PAGE2: variants seen among roughly 807,000 people sequenced by gnomAD.
The protein encoded by PAGE2 is PAGE family member 2.
A neutral mutation model predicts 7.5 loss-of-function variants in PAGE2; 6 were observed. The observed-to-expected ratio is 0.80, with a 90% confidence interval of 0.44 to 1.57. The LOEUF (loss-of-function observed/expected upper bound fraction) is 1.57, where lower values mean the gene tolerates loss of function less well. Among genes scored for constraint, PAGE2 ranks in the 40% most tolerant of loss-of-function variants. The pLI, the probability that PAGE2 is intolerant of heterozygous loss-of-function variation, is 0.01. For missense variants in PAGE2, 72 were observed against 76.4 expected (o/e 0.94, Z 0.21); for synonymous variants, 22 against 25.4 (o/e 0.87, Z 0.41).
chrX:55,090,071 C>A lies in PAGE2; in HGVS notation c.51C>A (p.Asp17Glu). ...ARSQSSERGN[D>E]QESSQPVGSV... is the part of the protein sequence containing the mutation. ...CCCAATCCTCAGAAAGAGGAAATGA[C>A]CAAGAGTCTTCCCAGCCGGTTGGAT... Residue 17 changes from aspartate (D) to glutamate (E), a missense_variant, in exon 2 of 5, where the codon GAC becomes GAA. Physicochemically the swap from Asp to Glu is conservative, Grantham distance 45. Coordinates refer to ENST00000374968, the MANE Select transcript of PAGE2 (RefSeq NM_207339.4). 8.3e-7 allele frequency: 1 copy of A among 1,204,614 alleles called. No individual in the cohort carries two copies. The highest frequency in any genetic ancestry group is 1.1e-6 in the Non-Finnish European group (1 of 891,075).
At position 55,091,342 on chromosome X, in the gene PAGE2, G is replaced by A. The variant is rs747927899; in HGVS notation, c.204G>A (p.Met68Ile). The change falls in exon 4 of 5, where the codon ATG (methionine) becomes ATA (isoleucine). Residue 68 changes from methionine (M) to isoleucine (I), a missense_variant. Transcript: ENST00000374968. ...TTTTTATCTTTTAAGGGCCTGACAT[G>A]GAAGCTTTTCAACAGGAACTGGCTC... ...QAVPAFQGPD[M>I]EAFQQELALL... is the part of the protein sequence containing the mutation. The A allele has an allele frequency of 2.0e-5, 24 of 1,204,082 alleles. No homozygotes were observed. The South Asian group carries it at 3.4e-4, about 17-fold the overall frequency.
At chrX:55,089,697 A>G (rs758163451) in intron 1 of PAGE2, among the ~76,000 whole-genome samples, 13 of 110,486 alleles carry the variant, frequency 1.2e-4, no homozygotes, top group Non-Finnish European at 2.3e-4. Flanking sequence ...AGCAGTAGTC[A>G]TTTCAGTTTC....
At chrX:55,089,180 T>A (rs1936631124) in intron 1 of PAGE2, 77 bp downstream of exon 1, 1 of 111,538 alleles carries the variant, frequency 9.0e-6, no homozygotes. Flanking sequence ...TTTGGACAGG[T>A]CCTGCGGCAC....
chrX:55,090,248 A>C, intron 2 of PAGE2, 144 bp downstream of exon 2: 1 of 693,625 alleles, frequency 1.4e-6, no homozygotes, highest in Non-Finnish European at 2.1e-6. Context: ...TGGTTCAGGA[A>C]TACTATATTC....
chrX:55,089,644 G>A (rs1936636259), intron 1 of PAGE2, among the ~76,000 whole-genome samples: 1 of 108,758 alleles, frequency 9.2e-6, no homozygotes, highest in African/African-American at 3.6e-5. Flanking sequence ...TTTTGAGAGG[G>A]GTGTGGGGGT....
Position 55,090,351 on chromosome X carries a change from TATCTATCTATCTATC to T in PAGE2, c.85-136_85-122del, listed in dbSNP as rs1401240775. 339 of 572,316 alleles carry T rather than the reference TATCTATCTATCTATC, an allele frequency of 5.9e-4. 12 individuals carry two copies. In the African/African-American group the frequency reaches 7.1e-3, roughly 12 times the overall value. 47.2% of individuals were successfully genotyped at this position (572,316 alleles called of 1,213,427 possible). The stretch of plus-strand genomic sequence containing the variant: ...CTGTCTATCTATCTATCTATCTATC[TATCTATCTATCTATC>T]ATCTATCTATCTATATGTGTGTGTA... On this transcript the variant is annotated intron_variant, in intron 2 of 4. Transcript: ENST00000374968.
rs1936641128 is a variant in PAGE2, at chrX:55,090,123, G to A, written c.84+19G>A. 9.4e-6 allele frequency: 11 copies of A among 1,167,725 alleles called. No homozygotes were observed. The highest frequency in any genetic ancestry group is 1.3e-5 in the Non-Finnish European group (11 of 860,901). ...TGTGATTGTGAGTCTTTTAACATTT[G>A]ATGTTTTCTATTAACACAATTTATT... On this transcript the variant is annotated intron_variant, in intron 2 of 4. Transcript: ENST00000374968.
At chrX:55,091,696 C>CA (rs1470796660) in intron 4 of PAGE2, among the ~76,000 whole-genome samples, 10 of 79,870 alleles carry the variant, frequency 1.3e-4, no homozygotes, top group African/African-American at 3.7e-4. Flanking sequence ...CACTTGAGGC[C>CA]AAGACTTCAA....
intron 1 of PAGE2, among the ~76,000 whole-genome samples, chrX:55,089,427 C>T (rs1229451767): frequency 1.8e-5 from 2 of 110,021 alleles, no homozygotes; most frequent in Admixed American, 9.5e-5. Flanking sequence ...TCAGTAGGGA[C>T]GCGGGAAGGG....
chrX:55,090,718 T>A, intron 3 of PAGE2, 108 bp downstream of exon 3: 2 of 557,196 alleles, frequency 3.6e-6, no homozygotes, highest in African/African-American at 2.5e-5. Flanking sequence ...GGAAGGAATC[T>A]TAAACATTTC....
intron 3 of PAGE2, 68 bp from the exon 4 acceptor site, chrX:55,091,264 A>G: frequency 8.4e-7 from 1 of 1,192,495 alleles, no homozygotes; most frequent in Non-Finnish European, 1.1e-6. Context: ...GAGGGAATAA[A>G]TACTATCATT....
chrX:55,089,305 C>T (rs1179586161), intron 1 of PAGE2: 1 of 110,886 alleles, frequency 9.0e-6, no homozygotes, highest in African/African-American at 3.4e-5. Context: ...GAAGGTGGGC[C>T]GCAGAGGGGA....
Position 55,089,534 on chromosome X carries a change from T to C in PAGE2, c.-9+431T>C, listed in dbSNP as rs757009113. ...TGTAGAGTGCCTGGCAGAGGTGTCC[T>C]GTGAGGAGCATAACGTTCACTCTGT... On this transcript the variant is annotated intron_variant, in intron 1 of 4. Transcript: ENST00000374968. 3.0e-3 allele frequency among the ~76,000 whole-genome samples: 328 copies of C among 109,831 alleles called. 18 individuals carry two copies. Among genetic ancestry groups the C allele is most frequent in the African/African-American group, 0.011 (314 of 29,408 alleles).
rs960885016 is a variant in PAGE2 at position 55,089,329 on chromosome X, G to C, written c.-9+226G>C. 3 of 111,320 alleles carry C rather than the reference G, an allele frequency of 2.7e-5. No homozygotes were observed. The Admixed American group carries it at 2.8e-4, about 11-fold the overall frequency. 9.2% of individuals were successfully genotyped at this position (111,320 alleles called of 1,213,427 possible). ...CCGCAGAGGGGAGGGATTGCCTGAA[G>C]ATGGGGCAAGTGCTGGGGGTGCAGT... is the stretch of plus-strand genomic sequence containing the variant. On this transcript the variant is annotated intron_variant, in intron 1 of 4. Coordinates refer to ENST00000374968, the MANE Select transcript of PAGE2 (RefSeq NM_207339.4).
In PAGE2 at chrX:55,089,480, G is replaced by A. The variant is rs751737431; in HGVS notation, c.-9+377G>A. Among the ~76,000 whole-genome samples the A allele has an allele frequency of 1.1e-3, 120 of 110,370 alleles. 1 individual carries two copies. The highest frequency in any genetic ancestry group is 3.8e-3 in the African/African-American group (112 of 29,589). ...GAAGGGGCTTGGGAACTGGGAGCGC[G>A]GTGGGCTGGTGACTGTGGCCCCGAG... On this transcript the variant is annotated intron_variant, in intron 1 of 4. Transcript: ENST00000374968.
chrX:55,090,477 T>C, intron 2 of PAGE2, 25 bp from the exon 3 acceptor site: 2 of 1,145,266 alleles, frequency 1.7e-6, no homozygotes, highest in Non-Finnish European at 2.4e-6. Context: ...TGACTTTTTA[T>C]TCACACACAC....
At chrX:55,089,894 C>A (rs1013492515) in intron 1 of PAGE2, 119 bp from the exon 2 acceptor site, 4 of 560,842 alleles carry the variant, frequency 7.1e-6, no homozygotes, top group South Asian at 6.5e-5. Flanking sequence ...TGCTCTGTGA[C>A]TTAATTTGAA....
chrX:55,089,251 G>C (rs768394859), intron 1 of PAGE2, 148 bp downstream of exon 1: 2 of 111,241 alleles, frequency 1.8e-5, no homozygotes, highest in Non-Finnish European at 3.8e-5. Flanking sequence ...CCCAGGTCGC[G>C]ACGCCACCAT....
At chrX:55,090,202 A>T in intron 2 of PAGE2, 98 bp downstream of exon 2, 2 of 883,017 alleles carry the variant, frequency 2.3e-6, no homozygotes, top group Non-Finnish European at 3.1e-6. Context: ...TTCCATGCTG[A>T]TAAAAAATGA....
Sources: allele counts gnomAD v4.1 joint callset (sites outside exome capture counted in the v4.1 genomes callset), GRCh38; gene constraint gnomAD v4.1.1; transcripts MANE v1.5; gene names NCBI Gene and HGNC (gene_info 2026-07-23, HGNC 2026-07-21).